Variants in ARHGAP21 observed in about 807,000 individuals in gnomAD.
ARHGAP21 encodes the protein rho GTPase-activating protein 21.
ARHGAP21 carries 38 observed loss-of-function variants against 164.6 expected under a neutral mutation model. The ratio of observed to expected loss-of-function variants is 0.23; its 90% CI spans 0.18 to 0.30. ARHGAP21 has a LOEUF of 0.30. ARHGAP21 is among the 10% of genes least tolerant of loss of function. ARHGAP21 has a pLI of 1.00. For synonymous variants in ARHGAP21, 766 were observed against 857.9 expected, an observed-to-expected ratio of 0.89 and a Z score of 1.87; for missense variants, 1,822 against 2,370.7, an observed-to-expected ratio of 0.77 and a Z score of 4.81.
intron 2 of ARHGAP21, among the ~76,000 whole-genome samples, chr10:24,718,533 A>G (rs1593396556): frequency 6.6e-6 from 1 of 152,140 alleles, no homozygotes; most frequent in African/African-American, 2.4e-5. Context: ...AGGCAGATAG[A>G]GAGGGAGATA....
At chr10:24,720,098 A>G (rs1013763830) in intron 2 of ARHGAP21, among the ~76,000 whole-genome samples, 2 of 152,220 alleles carry the variant, frequency 1.3e-5, no homozygotes, top group South Asian at 4.1e-4. Context: ...TGCTGCCAGC[A>G]GTAAGGTCCA....
intron 2 of ARHGAP21, among the ~76,000 whole-genome samples, chr10:24,675,323 GAGA>G (rs1196216663): frequency 1.3e-5 from 2 of 152,140 alleles, no homozygotes; most frequent in South Asian, 2.1e-4. Flanking sequence ...AGAGGAGGAG[GAGA>G]AGGAGTACAT....
chr10:24,698,156 A>G (rs935443528), intron 2 of ARHGAP21, among the ~76,000 whole-genome samples: 2 of 152,192 alleles, frequency 1.3e-5, no homozygotes, highest in African/African-American at 4.8e-5. Flanking sequence ...ACCCTACACA[A>G]GAAACTTTCC....
intron 2 of ARHGAP21, among the ~76,000 whole-genome samples, chr10:24,721,357 A>G (rs1845911033): frequency 6.6e-6 from 1 of 152,226 alleles, no homozygotes; most frequent in South Asian, 2.1e-4. Flanking sequence ...CTGCAGCAAC[A>G]GCAGCCAGAC....
intron 4 of ARHGAP21, among the ~76,000 whole-genome samples, chr10:24,644,953 G>C (rs929342050): frequency 2.0e-5 from 3 of 152,152 alleles, no homozygotes; most frequent in African/African-American, 7.2e-5. Flanking sequence ...ACAGGCATCA[G>C]AAATGCAACT....
At chr10:24,607,953 A>C (rs1430374378) in intron 9 of ARHGAP21, 50 bp from the exon 10 acceptor site, 1 of 1,507,974 alleles carries the variant, frequency 6.6e-7, no homozygotes, top group African/African-American at 1.4e-5. Flanking sequence ...ATTGTTATTA[A>C]TAATAAAACT....
intron 9 of ARHGAP21, among the ~76,000 whole-genome samples, chr10:24,617,540 T>C (rs965621040): frequency 9.9e-5 from 15 of 152,148 alleles, no homozygotes; most frequent in Non-Finnish European, 1.3e-4. Context: ...CTTAGGGGTA[T>C]AGATATGAAT....
chr10:24,602,228 C>G (rs2076842621), intron 12 of ARHGAP21, 125 bp from the exon 13 acceptor site: 1 of 1,066,292 alleles, frequency 9.4e-7, no homozygotes, highest in African/African-American at 1.6e-5. Flanking sequence ...TTGAAAAATC[C>G]TAACTTTATC....
At chr10:24,656,740 G>A (rs1593189796) in intron 4 of ARHGAP21, among the ~76,000 whole-genome samples, 2 of 32,458 alleles carry the variant, frequency 6.2e-5, no homozygotes, top group Admixed American at 1.8e-4. Flanking sequence ...CCGGGAGGGA[G>A]GTGGGGGGGT....
intron 7 of ARHGAP21, among the ~76,000 whole-genome samples, chr10:24,626,286 G>C (rs1835132354): frequency 6.6e-6 from 1 of 152,194 alleles, no homozygotes; most frequent in Non-Finnish European, 1.5e-5. Context: ...TCTTTGGTCA[G>C]TGCTACGGTC....
At chr10:24,689,320 T>A (rs369353283) in intron 2 of ARHGAP21, among the ~76,000 whole-genome samples, 55 of 152,344 alleles carry the variant, frequency 3.6e-4, no homozygotes, top group African/African-American at 1.1e-3. Flanking sequence ...TATGTTCACT[T>A]AGGATACACC....
intron 2 of ARHGAP21, among the ~76,000 whole-genome samples, chr10:24,677,965 TAAGAAATAATACACAGTC>T (rs1425710904): frequency 6.6e-6 from 1 of 152,092 alleles, no homozygotes; most frequent in Non-Finnish European, 1.5e-5. Context: ...CAGGTAGTTT[TAAGAAATAATACACAGTC>T]AGGCATGGTG....
intron 2 of ARHGAP21, among the ~76,000 whole-genome samples, chr10:24,704,553 C>T (rs1844037364): frequency 1.3e-5 from 2 of 151,924 alleles, no homozygotes; most frequent in Admixed American, 1.3e-4. Context: ...CAACCTCCGC[C>T]TCCCAGGTTC....
intron 10 of ARHGAP21, 58 bp from the exon 11 acceptor site, chr10:24,607,659 A>C: frequency 1.9e-6 from 3 of 1,609,888 alleles, no homozygotes; most frequent in Non-Finnish European, 2.6e-6. Context: ...AGATTCTTTT[A>C]ACGGTGGAAA....
At chr10:24,633,868 CCTGT>C (rs1194759641) in intron 5 of ARHGAP21, among the ~76,000 whole-genome samples, 3 of 146,442 alleles carry the variant, frequency 2.0e-5, no homozygotes, top group Non-Finnish European at 4.5e-5. Context: ...CTCCACGTAC[CCTGT>C]CTTTTTTTCT....
chr10:24,682,946 A>C (rs1168236927), intron 2 of ARHGAP21, among the ~76,000 whole-genome samples: 2 of 152,002 alleles, frequency 1.3e-5, no homozygotes, highest in Admixed American at 6.6e-5. Flanking sequence ...AATACAAAAA[A>C]TTAGCCAGGC....
chr10:24,646,783 GA>G (rs1837614724), intron 4 of ARHGAP21, among the ~76,000 whole-genome samples: 1 of 151,988 alleles, frequency 6.6e-6, no homozygotes, highest in Non-Finnish European at 1.5e-5. Flanking sequence ...ATTATACAAT[GA>G]TTTGATCATT....
chr10:24,603,344 A>G (rs1446100490), intron 12 of ARHGAP21, among the ~76,000 whole-genome samples: 1 of 152,210 alleles, frequency 6.6e-6, no homozygotes, highest in Non-Finnish European at 1.5e-5. Flanking sequence ...CTAGGAAGTT[A>G]AAAACCAAGG....
chr10:24,625,311 A>C (rs1251896184), intron 7 of ARHGAP21, among the ~76,000 whole-genome samples: 4 of 150,488 alleles, frequency 2.7e-5, no homozygotes, highest in African/African-American at 9.8e-5. Flanking sequence ...AAAAAAAAAA[A>C]AAAAAAAAAA....
Sources: gnomAD v4.1 joint callset for allele counts (sites outside exome capture counted in the v4.1 genomes callset) on GRCh38, gnomAD v4.1.1 for gene constraint, MANE v1.5 for transcripts, NCBI Gene and HGNC (gene_info 2026-07-23, HGNC 2026-07-21) for gene names.